NOS2: variants seen among roughly 807,000 people sequenced by gnomAD.
The protein encoded by NOS2 is nitric oxide synthase, inducible.
A neutral mutation model predicts 136.0 loss-of-function variants in NOS2; 96 were observed. The observed-to-expected ratio is 0.71, with a 90% CI of 0.60 to 0.84. The LOEUF is 0.84. Ranked by LOEUF, NOS2 falls within the 40% of genes least tolerant of loss-of-function variation. NOS2 has a pLI of 0.00. For missense variants in NOS2, 1,237 were observed against 1,496.9 expected (o/e 0.83, Z 2.87); for synonymous variants, 539 against 587.5 (o/e 0.92, Z 1.20).
chr17:27,774,088 G>A (rs1358900593), intron 12 of NOS2, among the ~76,000 whole-genome samples, 169 bp downstream of exon 12: 4 of 152,176 alleles, frequency 2.6e-5, no homozygotes, highest in African/African-American at 9.7e-5. Context: ...ACTCTCCGTG[G>A]AAATGCACAA....
chr17:27,798,487 A>C (rs769545923), intron 2 of NOS2, among the ~76,000 whole-genome samples: 1 of 151,026 alleles, frequency 6.6e-6, no homozygotes, highest in Non-Finnish European at 1.5e-5. Flanking sequence ...GCCCCGCACC[A>C]TGTCCCTTCC....
chr17:27,760,039 G>T lies in NOS2; in HGVS notation c.3150C>A (p.Gly1050=), dbSNP rs748114347. Residue 1050 remains glycine, a synonymous_variant, in exon 25 of 27, where the codon GGC becomes GGA. Transcript: ENST00000313735. ...AVHTAYSRLP[G]KPKVYVQDIL... ...TTGAGGCTGCATTTACCTTGGGCTTGCCAGGCAGGCGGGAATAGGCTGTGT... is the reference window on the plus strand; with the variant it reads ...TTGAGGCTGCATTTACCTTGGGCTTTCCAGGCAGGCGGGAATAGGCTGTGT... 6.5e-7 allele frequency: 1 copy of T among 1,533,006 alleles called. No individual in the cohort carries two copies. 95.0% of individuals were successfully genotyped at this position (1,533,006 alleles called of 1,614,324 possible).
intron 22 of NOS2, 125 bp from the exon 23 acceptor site, chr17:27,761,356 G>A (rs1166679785): frequency 3.0e-5 from 21 of 688,822 alleles, no homozygotes; most frequent in Non-Finnish European, 5.0e-5. Flanking sequence ...GACTCAATGA[G>A]CAGCTGTTTG....
chr17:27,758,087 T>C (rs559564507), intron 26 of NOS2, among the ~76,000 whole-genome samples: 2 of 152,370 alleles, frequency 1.3e-5, no homozygotes, highest in South Asian at 4.1e-4. Context: ...CTACACCTCT[T>C]TCTTGTCTGG....
chr17:27,766,611 G>A (rs1908311625), intron 18 of NOS2, 23 bp from the exon 19 acceptor site: 2 of 1,603,786 alleles, frequency 1.2e-6, no homozygotes, highest in Non-Finnish European at 8.5e-7. Context: ...CAGAGACGGT[G>A]AAATGGCAAA....
intron 19 of NOS2, 45 bp from the exon 20 acceptor site, chr17:27,765,761 T>C: frequency 1.3e-6 from 2 of 1,537,094 alleles, no homozygotes; most frequent in South Asian, 1.3e-5. Flanking sequence ...CAGGATTTCC[T>C]CCAGGGCTCC....
intron 15 of NOS2, 62 bp from the exon 16 acceptor site, chr17:27,769,646 T>A: frequency 2.8e-6 from 4 of 1,443,162 alleles, no homozygotes; most frequent in Non-Finnish European, 3.9e-6. Context: ...TGTTTTTTCC[T>A]TTCTTCTGGA....
rs751140549 is a variant in NOS2 at position 27,787,627 on chromosome 17, A to C, written c.467+51T>G. 1.5e-5 allele frequency: 20 copies of C among 1,372,664 alleles called. No homozygotes were observed. The Admixed American group carries it at 3.6e-4, about 25-fold the overall frequency. 85.0% of individuals were successfully genotyped at this position (1,372,664 alleles called of 1,614,324 possible). On this transcript the variant is annotated intron_variant, in intron 5 of 26. Coordinates refer to ENST00000313735, the MANE Select transcript of NOS2 (RefSeq NM_000625.4). ...TCAGAGGGTGATGGGTAGAGACAGG[A>C]GAGCAGGAGGAAGGGCAGGAGGCAG...
In NOS2 at chr17:27,770,837, C is replaced by T. The variant is rs562765870; in HGVS notation, c.1809+76G>A. The T allele has an allele frequency of 6.4e-5, 68 of 1,067,602 alleles. 1 individual carries two copies. Among genetic ancestry groups the T allele is most frequent in the South Asian group, 2.4e-4 (18 of 74,692 alleles). The allele number at this position is 1,067,602 out of a possible 1,614,324, so 66.1% of individuals were successfully genotyped here. On this transcript the variant is annotated intron_variant, in intron 15 of 26. Transcript: ENST00000313735. ...CCCAAATGTCCTCCGTAGGACCTGC[C>T]GCATCCCCCAGACCCTTTCCTGGGT... is the stretch of plus-strand genomic sequence containing the variant.
intron 9 of NOS2, among the ~76,000 whole-genome samples, 171 bp downstream of exon 9, chr17:27,780,596 G>C (rs765218341): frequency 6.6e-6 from 1 of 152,220 alleles, no homozygotes; most frequent in Admixed American, 6.5e-5. Context: ...AGTGCAGAAT[G>C]GCTGCAGAAT....
intron 25 of NOS2, 38 bp downstream of exon 25, chr17:27,759,992 T>C (rs201150640): frequency 1.4e-6 from 2 of 1,460,590 alleles, no homozygotes; most frequent in South Asian, 1.5e-5. Flanking sequence ...GTGGAGCTTG[T>C]GTGTGTAATG....
chr17:27,787,792 G>C lies in NOS2; in HGVS notation c.353C>G (p.Ser118Cys), dbSNP rs367627018. ...LTCRSKSCLGSIMTPKSLTRG... is the reference protein window; with the variant it reads ...LTCRSKSCLGCIMTPKSLTRG... ...GGTCAAACTTTTGGGAGTCATAATG[G>C]ACCCCAGGCAAGATTTGGACCTGCA... The change falls in exon 5 of 27, where the codon TCC (serine) becomes TGC (cysteine). Residue 118 changes from serine (S) to cysteine (C), a missense_variant. Around this residue, in one of 3 missense-constraint regions of NOS2, gnomAD observed 440 missense variants for 545.4 expected, o/e 0.81. Transcript: ENST00000313735. 32 of 1,612,810 alleles carry C rather than the reference G, an allele frequency of 2.0e-5. No individual in the cohort carries two copies. The highest frequency in any genetic ancestry group is 1.7e-4 in the Middle Eastern group (1 of 6,058).
Position 27,767,712 on chromosome 17 carries a change from G to A in NOS2, c.2160C>T (p.Leu720=), listed in dbSNP as rs1908350109. 6.2e-7 allele frequency: 1 copy of A among 1,613,632 alleles called. No homozygotes were observed. Among genetic ancestry groups the A allele is most frequent in the Non-Finnish European group, 8.5e-7 (1 of 1,179,970 alleles). The change falls in exon 18 of 27, where the codon CTC becomes CTT. Residue 720 remains leucine, a synonymous_variant. Coordinates refer to ENST00000313735, the MANE Select transcript of NOS2 (RefSeq NM_000625.4). Reference sequence around the variant, plus strand: ...CTGCAGAGAAGCAGGTACCTTTGCTGAGGTCCAAAGGCTGTGAGTCCTGCA... The same window carrying A: ...CTGCAGAGAAGCAGGTACCTTTGCTAAGGTCCAAAGGCTGTGAGTCCTGCA... The part of the protein sequence containing the change: ...RLVQDSQPLD[L]SKALSSMHAK...
At chr17:27,767,596 C>CCT in intron 18 of NOS2, 109 bp downstream of exon 18, 1 of 1,342,918 alleles carries the variant, frequency 7.4e-7, no homozygotes, top group Non-Finnish European at 1.0e-6. Flanking sequence ...GAGGGAGGCC[C>CCT]CGAGGCCAGC....
At chr17:27,779,463 C>T (rs1173379802) in intron 9 of NOS2, among the ~76,000 whole-genome samples, 2 of 151,828 alleles carry the variant, frequency 1.3e-5, no homozygotes, top group Non-Finnish European at 2.9e-5. Flanking sequence ...TTCACTTTTG[C>T]ACCTTTGGCC....
intron 5 of NOS2, 60 bp downstream of exon 5, chr17:27,787,618 A>C: frequency 7.9e-7 from 1 of 1,267,954 alleles, no homozygotes; most frequent in Non-Finnish European, 1.1e-6. Flanking sequence ...GGTGATGGGT[A>C]GAGACAGGAG....
intron 5 of NOS2, among the ~76,000 whole-genome samples, chr17:27,786,584 T>C (rs1428853390): frequency 2.0e-5 from 3 of 152,244 alleles, no homozygotes; most frequent in Non-Finnish European, 4.4e-5. Context: ...CGCAGTGTTC[T>C]AAAAACATGA....
intron 19 of NOS2, 23 bp from the exon 20 acceptor site, chr17:27,765,739 C>T (rs759025705): frequency 2.5e-6 from 4 of 1,577,900 alleles, no homozygotes; most frequent in Non-Finnish European, 3.4e-6. Context: ...AATGAAGCCT[C>T]AGGTGACATT....
chr17:27,776,715 G>A (rs918418582), intron 11 of NOS2, among the ~76,000 whole-genome samples: 4 of 148,850 alleles, frequency 2.7e-5, no homozygotes, highest in East Asian at 2.0e-4. Flanking sequence ...TGGTAGCCAC[G>A]ATCATGATGA....
Sources: allele counts gnomAD v4.1 joint callset (sites outside exome capture counted in the v4.1 genomes callset), GRCh38; gene constraint gnomAD v4.1.1; regional missense constraint gnomAD v4.1.1; transcripts MANE v1.5; gene names NCBI Gene and HGNC (gene_info 2026-07-23, HGNC 2026-07-21).